Variants in RGMA observed in about 807,000 individuals in gnomAD.
RGMA encodes repulsive guidance molecule BMP co-receptor a.
In RGMA, 10 loss-of-function variants were observed where a neutral mutation model predicts 23.2. The observed-to-expected ratio is 0.43, with a 90% CI of 0.27 to 0.73. RGMA has a LOEUF of 0.73. RGMA is among the 30% of genes least tolerant of loss of function. The probability of loss-of-function intolerance (pLI) is 0.20; values close to 1 mark genes in which losing one functional copy is unlikely to be tolerated. For missense variants in RGMA, 547 were observed against 630.5 expected, an observed-to-expected ratio of 0.87 and a Z score of 1.42; for synonymous variants, 308 against 279.3, an observed-to-expected ratio of 1.10 and a Z score of -1.03.
intron 2 of RGMA, among the ~76,000 whole-genome samples, chr15:93,071,091 C>T (rs546082472): frequency 6.6e-6 from 1 of 152,286 alleles, no homozygotes; most frequent in South Asian, 2.1e-4. Flanking sequence ...CCTCTAAGCC[C>T]CTCTTCTCAA....
chr15:93,056,760 T>C (rs1159920106), intron 2 of RGMA, among the ~76,000 whole-genome samples: 3 of 152,186 alleles, frequency 2.0e-5, no homozygotes, highest in African/African-American at 4.8e-5. Flanking sequence ...ACCAGTAGTT[T>C]CGGGAACTTG....
At chr15:93,083,775 G>A (rs1596108951) in intron 1 of RGMA, among the ~76,000 whole-genome samples, 3 of 152,218 alleles carry the variant, frequency 2.0e-5, no homozygotes, top group Non-Finnish European at 4.4e-5. Flanking sequence ...GCAGTGAGGG[G>A]TTATTAGCAG....
chr15:93,070,032 T>C (rs1895274367), intron 2 of RGMA, among the ~76,000 whole-genome samples: 1 of 152,240 alleles, frequency 6.6e-6, no homozygotes, highest in Non-Finnish European at 1.5e-5. Context: ...CTGCCTGTGC[T>C]GTCCCCAAAG....
At chr15:93,061,170 T>C (rs1894948340) in intron 2 of RGMA, among the ~76,000 whole-genome samples, 1 of 152,176 alleles carries the variant, frequency 6.6e-6, no homozygotes, top group Admixed American at 6.5e-5. Flanking sequence ...ATTTACTTAT[T>C]TTTTGACATA....
At chr15:93,052,641 T>TA in intron 2 of RGMA, 134 bp from the exon 3 acceptor site, 1 of 1,037,758 alleles carries the variant, frequency 9.6e-7, no homozygotes, top group Non-Finnish European at 1.4e-6. Flanking sequence ...ACACAGATGG[T>TA]GAAAAATTTC....
At chr15:93,066,225 G>T in intron 2 of RGMA, 1 of 1,407,594 alleles carries the variant, frequency 7.1e-7, no homozygotes, top group Non-Finnish European at 1.0e-6. Context: ...CTCCAACGCT[G>T]CGCAGAAACT....
Position 93,052,122 on chromosome 15 carries a change from C to T in RGMA, c.516G>A (p.Arg172=), listed in dbSNP as rs777745940. ...HCGLFGDPHL[R]TFTDRFQTCK... is the part of the protein sequence containing the mutation. Reference sequence around the variant, plus strand: ...AGGTCTGGAAGCGGTCGGTGAAAGTCCTGAGGTGTGGGTCCCCGAAGAGGC... The same window carrying T: ...AGGTCTGGAAGCGGTCGGTGAAAGTTCTGAGGTGTGGGTCCCCGAAGAGGC... The change falls in exon 3 of 4, where the codon AGG becomes AGA. Residue 172 remains arginine (R), a synonymous_variant. Coordinates refer to ENST00000329082, the MANE Select transcript of RGMA (RefSeq NM_020211.3). 6 of 1,613,892 alleles carry T rather than the reference C, an allele frequency of 3.7e-6. No homozygotes were observed. Among genetic ancestry groups the T allele is most frequent in the Non-Finnish European group, 5.1e-6 (6 of 1,179,870 alleles).
At chr15:93,057,245 T>C (rs745858470) in intron 2 of RGMA, among the ~76,000 whole-genome samples, 2 of 152,170 alleles carry the variant, frequency 1.3e-5, no homozygotes, top group Non-Finnish European at 2.9e-5. Flanking sequence ...GAGAGCGCTA[T>C]AGACTGAACT....
rs143269479 is a variant in RGMA at position 93,082,090 on chromosome 15, T to A, written c.14+6829A>T. On this transcript the variant is annotated intron_variant, in intron 1 of 3. Transcript: ENST00000329082. ...TTGTTGTGAGGATTAAATGAGTCAATACAATCATAACCACTTAGAACAGAT... is the reference window on the plus strand; with the variant it reads ...TTGTTGTGAGGATTAAATGAGTCAAAACAATCATAACCACTTAGAACAGAT... Among the ~76,000 whole-genome samples the A allele has an allele frequency of 3.0e-4, 46 of 152,366 alleles. No homozygotes were observed. The East Asian group carries it at 8.1e-3, about 27-fold the overall frequency.
At chr15:93,074,073 G>A in intron 1 of RGMA, 4 of 1,252,398 alleles carry the variant, frequency 3.2e-6, no homozygotes, top group Non-Finnish European at 4.1e-6. Context: ...TTCTGCTGCC[G>A]TTGTGATATT....
At chr15:93,063,781 G>A (rs1378978931) in intron 2 of RGMA, among the ~76,000 whole-genome samples, 1 of 152,166 alleles carries the variant, frequency 6.6e-6, no homozygotes, top group Non-Finnish European at 1.5e-5. Context: ...GTTTTCTCTA[G>A]AAACCAGCCA....
Position 93,052,244 on chromosome 15 carries a change from C to T in RGMA, c.394G>A (p.Ala132Thr). 2 of 1,606,300 alleles carry T rather than the reference C, an allele frequency of 1.2e-6. No individual in the cohort carries two copies. Among genetic ancestry groups the T allele is most frequent in the Non-Finnish European group, 1.7e-6 (2 of 1,175,246 alleles). The change falls in exon 3 of 4, where the codon GCC (alanine) becomes ACC (threonine). Residue 132 changes from alanine to threonine, a missense_variant. Physicochemically the swap from Ala to Thr is moderately conservative, Grantham distance 58. Around this residue, in one of 3 missense-constraint regions of RGMA, gnomAD observed 214 missense variants for 234.7 expected, o/e 0.91. Coordinates refer to ENST00000329082, the MANE Select transcript of RGMA (RefSeq NM_020211.3). Reference sequence around the variant, plus strand: ...TCCGAGCGCTCCTGGCTGTCTCCGGCCGGTGGGAGCGTGCGCAGGCGTGGC... The same window carrying T: ...TCCGAGCGCTCCTGGCTGTCTCCGGTCGGTGGGAGCGTGCGCAGGCGTGGC... ...SQPRLRTLPPAGDSQERSDSP... is the reference protein window; with the variant it reads ...SQPRLRTLPPTGDSQERSDSP...
chr15:93,071,985 A>G (rs1746750737), intron 2 of RGMA, among the ~76,000 whole-genome samples: 1 of 152,230 alleles, frequency 6.6e-6, no homozygotes, highest in Non-Finnish European at 1.5e-5. Flanking sequence ...AAGAAAAAAA[A>G]TGGGTATAAA....
intron 2 of RGMA, among the ~76,000 whole-genome samples, chr15:93,071,682 C>A (rs1459610058): frequency 1.3e-5 from 2 of 152,246 alleles, no homozygotes; most frequent in African/African-American, 4.8e-5. Flanking sequence ...GGAGCCCCAA[C>A]TCACAGCCAG....
chr15:93,052,363 G>A lies in RGMA; in HGVS notation c.275C>T (p.Thr92Ile), dbSNP rs377509382. 1 of 1,600,678 alleles carries A rather than the reference G, an allele frequency of 6.2e-7. No homozygotes were observed. The highest frequency in any genetic ancestry group is 8.5e-7 in the Non-Finnish European group (1 of 1,179,434). ...YALCTRRTAR[T>I]CRGDLAYHSA... ...GTGGTAGGCCAGGTCACCCCGGCAG[G>A]TGCGGGCCGTCCGCCGCGTGCACAG... The change falls in exon 3 of 4, where the codon ACC becomes ATC. Residue 92 changes from threonine (T) to isoleucine (I), a missense_variant. This residue lies in a region of RGMA where 214 missense variants were observed against 234.7 expected (regional missense o/e 0.91). Transcript: ENST00000329082.
chr15:93,065,876 C>T (rs1555450076), intron 2 of RGMA: 16 of 732,770 alleles, frequency 2.2e-5, no homozygotes, highest in Non-Finnish European at 7.4e-6. Context: ...TTGGGCTCTA[C>T]CCCGTCAGTG....
chr15:93,066,340 T>C (rs1165516807), intron 2 of RGMA: 3 of 734,884 alleles, frequency 4.1e-6, no homozygotes, highest in East Asian at 3.2e-5. Flanking sequence ...CATTTGACAG[T>C]GCCCAGGACT....
intron 2 of RGMA, among the ~76,000 whole-genome samples, chr15:93,064,017 G>A (rs771736599): frequency 3.6e-4 from 55 of 152,056 alleles, no homozygotes; most frequent in African/African-American, 1.1e-3. Context: ...AAACCACACC[G>A]TGTGCCAAGG....
intron 1 of RGMA, chr15:93,073,597 C>G: frequency 6.5e-7 from 1 of 1,535,850 alleles, no homozygotes; most frequent in Middle Eastern, 1.7e-4. Flanking sequence ...AAGCTTCCAC[C>G]GACGCCCCCT....
Sources: allele counts gnomAD v4.1 joint callset (sites outside exome capture counted in the v4.1 genomes callset), GRCh38; gene constraint gnomAD v4.1.1; regional missense constraint gnomAD v4.1.1; transcripts MANE v1.5; gene names NCBI Gene and HGNC (gene_info 2026-07-23, HGNC 2026-07-21).